EPHA10: variants seen among roughly 807,000 people sequenced by gnomAD.
EPHA10 encodes ephrin type-A receptor 10.
In EPHA10, 120 loss-of-function variants were observed where a neutral mutation model predicts 109.7. The observed-to-expected ratio is 1.09, with a 90% confidence interval of 0.94 to 1.27. EPHA10 has a LOEUF of 1.27. EPHA10 is among the 50% of genes most tolerant of loss of function. EPHA10 has a pLI of 0.00. For missense variants in EPHA10, 1,396 were observed against 1,411.1 expected (o/e 0.99, Z 0.17); for synonymous variants, 640 against 618.9 (o/e 1.03, Z -0.51).
At chr1:37,763,893 G>C (rs924306310) in intron 1 of EPHA10, among the ~76,000 whole-genome samples, 1 of 152,166 alleles carries the variant, frequency 6.6e-6, no homozygotes, top group African/African-American at 2.4e-5. Flanking sequence ...TTTCCCAGGG[G>C]CTGTCACTTC....
chr1:37,761,839 C>A lies in EPHA10; in HGVS notation c.416G>T (p.Arg139Leu). The change falls in exon 3 of 17, where the codon CGT becomes CTT. Residue 139 changes from arginine (R) to leucine (L), a missense_variant. Physicochemically the swap from Arg to Leu is moderately radical, Grantham distance 102. Coordinates refer to ENST00000373048, the MANE Select transcript of EPHA10 (RefSeq NM_001099439.2). ...YYLETEADLG[R>L]GRPRLGGSRP... ...GCTGCCGCCTAGGCGGGGACGCCCACGGCCCAGGTCGGCCTCAGTTTCCAG... is the reference window on the plus strand; with the variant it reads ...GCTGCCGCCTAGGCGGGGACGCCCAAGGCCCAGGTCGGCCTCAGTTTCCAG... 1 of 1,613,006 alleles carries A rather than the reference C, an allele frequency of 6.2e-7. No homozygotes were observed.
At position 37,716,045 on chromosome 1, in the gene EPHA10, C is replaced by T. The variant is rs1259790384; in HGVS notation, c.*2327G>A. 2 of 553,758 alleles carry T rather than the reference C, an allele frequency of 3.6e-6. No homozygotes were observed. Among genetic ancestry groups the T allele is most frequent in the African/African-American group, 1.8e-5 (1 of 54,244 alleles). 34.3% of individuals were successfully genotyped at this position (553,758 alleles called of 1,614,324 possible). On this transcript the variant is annotated 3_prime_UTR_variant, in exon 17 of 17. Coordinates refer to ENST00000373048, the MANE Select transcript of EPHA10 (RefSeq NM_001099439.2). ...ATAAAAACATCTCCAGAAGGAACCC[C>T]CTCCGACTGGCCCCCTCCCTCCCAG...
In EPHA10 at chr1:37,754,441, G is replaced by C; in HGVS notation, c.851-71C>G. ...CCCGCTTTCCTGACTGGCCTGGTTAGGGCAGCGTTTATCTCCTCCAATTGC... is the reference window on the plus strand; with the variant it reads ...CCCGCTTTCCTGACTGGCCTGGTTACGGCAGCGTTTATCTCCTCCAATTGC... On this transcript the variant is annotated intron_variant, in intron 3 of 16. Transcript: ENST00000373048. This position sits in a 1 kb window ranked among gnomAD's most constrained non-coding sequence, Gnocchi z 4.5. The C allele has an allele frequency of 1.6e-6, 2 of 1,243,080 alleles. No homozygotes were observed. Among genetic ancestry groups the C allele is most frequent in the Non-Finnish European group, 2.0e-6 (2 of 987,630 alleles). The allele number at this position is 1,243,080 out of a possible 1,614,324, so 77.0% of individuals were successfully genotyped here.
intron 6 of EPHA10, among the ~76,000 whole-genome samples, chr1:37,732,943 G>A (rs1646011749): frequency 8.4e-6 from 1 of 118,352 alleles, no homozygotes; most frequent in Non-Finnish European, 1.6e-5. Flanking sequence ...AGGCTGGAAT[G>A]CAGTGTGGTG....
At chr1:37,725,938 A>C (rs1444440109) in intron 8 of EPHA10, among the ~76,000 whole-genome samples, 1 of 152,184 alleles carries the variant, frequency 6.6e-6, no homozygotes, top group Non-Finnish European at 1.5e-5. Context: ...TGGGACATGC[A>C]TGCTGGAGGA....
intron 5 of EPHA10, among the ~76,000 whole-genome samples, chr1:37,737,485 G>T (rs1246364715): frequency 6.6e-6 from 1 of 152,152 alleles, no homozygotes; most frequent in Non-Finnish European, 1.5e-5. Flanking sequence ...CTCCCACAAG[G>T]GTACCAAGGT....
At position 37,720,420 on chromosome 1, in the gene EPHA10, G is replaced by T; in HGVS notation, c.2343C>A (p.Asp781Glu). 1 of 1,613,512 alleles carries T rather than the reference G, an allele frequency of 6.2e-7. No individual in the cohort carries two copies. Among genetic ancestry groups the T allele is most frequent in the Non-Finnish European group, 8.5e-7 (1 of 1,180,014 alleles). ...CGAAGCCAGAGATCTTGCAGACAAG[G>T]TCGCTGCTGACCAGCACATGGCGAG... Reference protein sequence around the residue: ...LAARHVLVSSDLVCKISGFGR... With the variant: ...LAARHVLVSSELVCKISGFGR... The change falls in exon 13 of 17, where the codon GAC becomes GAA. Residue 781 changes from aspartate to glutamate, a missense_variant. By Grantham distance (45) the Asp-to-Glu change is conservative. Transcript: ENST00000373048.
At chr1:37,721,008 G>A (rs765114990) in intron 11 of EPHA10, among the ~76,000 whole-genome samples, 164 bp from the exon 12 acceptor site, 1 of 152,038 alleles carries the variant, frequency 6.6e-6, no homozygotes, top group Non-Finnish European at 1.5e-5. Context: ...CTATGCCAAG[G>A]AACAAAAGAG....
chr1:37,740,406 C>T (rs374679816), intron 5 of EPHA10, among the ~76,000 whole-genome samples: 4 of 152,132 alleles, frequency 2.6e-5, no homozygotes, highest in South Asian at 4.1e-4. Flanking sequence ...CCCAGGTTCA[C>T]GCCATTCTCC....
At chr1:37,734,787 A>C in intron 6 of EPHA10, 1 of 358,082 alleles carries the variant, frequency 2.8e-6, no homozygotes, top group Non-Finnish European at 5.4e-6. Flanking sequence ...ATATGACTGG[A>C]ATTATAATAA....
At chr1:37,763,499 G>A (rs576341247) in intron 1 of EPHA10, among the ~76,000 whole-genome samples, 6 of 152,164 alleles carry the variant, frequency 3.9e-5, no homozygotes, top group African/African-American at 1.4e-4. Flanking sequence ...TAACATTCAC[G>A]GTTCTAGGGA....
chr1:37,722,397 T>G (rs200275482), intron 10 of EPHA10: 1 of 226,788 alleles, frequency 4.4e-6, no homozygotes, highest in Non-Finnish European at 8.9e-6. Context: ...ACCCTGCCCC[T>G]TTCCGGCTTC....
At chr1:37,715,550 G>A (rs190887096), downstream of EPHA10, among the ~76,000 whole-genome samples, 25 of 152,140 alleles carry the variant, frequency 1.6e-4, no homozygotes, top group African/African-American at 5.3e-4. Flanking sequence ...TCTGTGCTCC[G>A]AGGTTCAGAC....
intron 5 of EPHA10, among the ~76,000 whole-genome samples, chr1:37,739,248 G>C (rs1273971869): frequency 6.6e-6 from 1 of 152,186 alleles, no homozygotes; most frequent in Non-Finnish European, 1.5e-5. Flanking sequence ...TCTGTTATAT[G>C]CTACAATATG....
chr1:37,747,666 G>A (rs1248401308), intron 5 of EPHA10, among the ~76,000 whole-genome samples: 1 of 152,108 alleles, frequency 6.6e-6, no homozygotes, highest in African/African-American at 2.4e-5. Context: ...TACTTGGGAG[G>A]CTGAGGCAGC....
At position 37,722,413 on chromosome 1, in the gene EPHA10, A is replaced by G. The variant is rs1043673639; in HGVS notation, c.1961-568T>C. 17 of 226,460 alleles carry G rather than the reference A, an allele frequency of 7.5e-5. No individual in the cohort carries two copies. In the South Asian group the frequency reaches 1.0e-3, roughly 13 times the overall value. The allele number at this position is 226,460 out of a possible 1,614,324, so 14.0% of individuals were successfully genotyped here. A position where few individuals can be genotyped will look rare whatever the true frequency, so the allele number is the denominator to read the frequency against. On this transcript the variant is annotated intron_variant, in intron 10 of 16. Transcript: ENST00000373048. ...CCCTGCCCCTTTCCGGCTTCTGTCC[A>G]GCGGGTCTGGAGACAGTGTCAGGGG... is the stretch of plus-strand genomic sequence containing the variant.
At chr1:37,720,693 C>T in intron 12 of EPHA10, 90 bp downstream of exon 12, 4 of 1,561,638 alleles carry the variant, frequency 2.6e-6, no homozygotes, top group Non-Finnish European at 2.6e-6. Flanking sequence ...GGGGATGATG[C>T]CAATTCCAAG....
intron 1 of EPHA10, among the ~76,000 whole-genome samples, chr1:37,763,641 A>G (rs1314257491): frequency 6.8e-6 from 1 of 147,502 alleles, no homozygotes; most frequent in African/African-American, 2.5e-5. Flanking sequence ...TAGGTTCCCA[A>G]AATTATAGCT....
At chr1:37,731,269 G>A in intron 7 of EPHA10, 142 bp downstream of exon 7, 2 of 824,198 alleles carry the variant, frequency 2.4e-6, no homozygotes, top group South Asian at 3.1e-5. Flanking sequence ...TAATTAGGCT[G>A]TAATTAATTA....
Sources: allele counts gnomAD v4.1 joint callset (sites outside exome capture counted in the v4.1 genomes callset), GRCh38; gene constraint gnomAD v4.1.1; non-coding constraint Gnocchi (gnomAD v3.1); transcripts MANE v1.5; gene names NCBI Gene and HGNC (gene_info 2026-07-23, HGNC 2026-07-21).